The following RASEF variants were observed in gnomAD, a reference collection of about 807,000 sequenced individuals.
The protein encoded by RASEF is ras and EF-hand domain-containing protein.
A neutral mutation model predicts 90.1 loss-of-function variants in RASEF; 68 were observed. The observed-to-expected ratio is 0.75, with a 90% CI of 0.62 to 0.92. The LOEUF is 0.92. Among genes scored for constraint, RASEF ranks in the 40% least tolerant of loss-of-function variants. RASEF has a pLI of 0.00. For missense variants in RASEF, 949 were observed against 937.2 expected (o/e 1.01, Z -0.16); for synonymous variants, 331 against 345.2 (o/e 0.96, Z 0.46).
At chr9:83,024,138 T>A (rs748663092) in intron 2 of RASEF, among the ~76,000 whole-genome samples, 1 of 152,180 alleles carries the variant, frequency 6.6e-6, no homozygotes, top group Non-Finnish European at 1.5e-5. Context: ...TTTAAACACT[T>A]CCTGAGGTCT....
At chr9:83,163,302 C>T in the RASEF span, among the ~76,000 whole-genome samples, 1 of 152,182 alleles carries the variant, frequency 6.6e-6, no homozygotes, top group African/African-American at 2.4e-5. Context: ...TACAGTAGTT[C>T]CTTTTACCCA....
the RASEF span, among the ~76,000 whole-genome samples, chr9:83,205,338 T>G: frequency 6.6e-6 from 1 of 152,210 alleles, no homozygotes; most frequent in South Asian, 2.1e-4. Context: ...GCCATACATT[T>G]TTCTGTTGTC....
At position 82,982,617 on chromosome 9, in the gene RASEF, A is replaced by T; in HGVS notation, c.*60T>A. On this transcript the variant is annotated 3_prime_UTR_variant, in exon 17 of 17. Transcript: ENST00000376447. ...TGTGCCACTCTGTTAAGAGCCAAAT[A>T]AGTCACACAAATTCAGTATTCTGGA... The T allele has an allele frequency of 1.0e-6, 1 of 954,632 alleles. No homozygotes were observed. Among genetic ancestry groups the T allele is most frequent in the Non-Finnish European group, 1.7e-6 (1 of 580,178 alleles). 59.1% of individuals were successfully genotyped at this position (954,632 alleles called of 1,614,324 possible).
the RASEF span, among the ~76,000 whole-genome samples, chr9:83,169,569 TTTTG>T: frequency 2.0e-5 from 3 of 151,808 alleles, no homozygotes; most frequent in African/African-American, 7.3e-5. Context: ...TGGTTGGTTT[TTTTG>T]TTTGTTTTGT....
At chr9:83,046,904 G>A (rs1412749506) in intron 1 of RASEF, among the ~76,000 whole-genome samples, 1 of 152,114 alleles carries the variant, frequency 6.6e-6, no homozygotes, top group African/African-American at 2.4e-5. Flanking sequence ...TCGGATTTCA[G>A]AATAAATAAC....
chr9:83,048,656 G>C, intron 1 of RASEF: 1 of 985,406 alleles, frequency 1.0e-6, no homozygotes, highest in Non-Finnish European at 1.2e-6. Flanking sequence ...TCCTTGTTTA[G>C]GATTGGGAGA....
the RASEF span, among the ~76,000 whole-genome samples, chr9:83,121,734 G>A: frequency 1.3e-5 from 2 of 152,232 alleles, no homozygotes; most frequent in African/African-American, 2.4e-5. Flanking sequence ...GAGAGCTGAC[G>A]CTACAAAAAC....
At chr9:83,094,403 T>C in the RASEF span, among the ~76,000 whole-genome samples, 2 of 145,912 alleles carry the variant, frequency 1.4e-5, no homozygotes, top group Non-Finnish European at 2.9e-5. Context: ...AAATAAAATA[T>C]ATTATTAAAA....
the RASEF span, among the ~76,000 whole-genome samples, chr9:83,146,557 T>A: frequency 6.6e-6 from 1 of 152,194 alleles, no homozygotes; most frequent in Non-Finnish European, 1.5e-5. Flanking sequence ...GCCTCTGCCC[T>A]CCTAAATTGT....
the RASEF span, among the ~76,000 whole-genome samples, chr9:83,205,367 C>T: frequency 6.6e-6 from 1 of 152,208 alleles, no homozygotes; most frequent in Non-Finnish European, 1.5e-5. Context: ...TTGAATAGCA[C>T]TTCTATCACT....
the RASEF span, among the ~76,000 whole-genome samples, chr9:83,145,272 G>A: frequency 1.3e-5 from 2 of 152,126 alleles, no homozygotes. Flanking sequence ...TCTCTGGAGT[G>A]GAGTTGTACC....
At chr9:83,027,814 G>A (rs898279376) in intron 1 of RASEF, among the ~76,000 whole-genome samples, 1 of 152,102 alleles carries the variant, frequency 6.6e-6, no homozygotes, top group African/African-American at 2.4e-5. Flanking sequence ...TGCTATGGAT[G>A]GATGCTATAG....
chr9:83,077,737 T>G, the RASEF span, among the ~76,000 whole-genome samples: 4 of 152,216 alleles, frequency 2.6e-5, no homozygotes, highest in Admixed American at 2.0e-4. Context: ...TCTTAACCTC[T>G]AGCACCAGAA....
At chr9:83,179,347 T>C in the RASEF span, among the ~76,000 whole-genome samples, 1 of 152,212 alleles carries the variant, frequency 6.6e-6, no homozygotes, top group African/African-American at 2.4e-5. Context: ...TCTCAAACTT[T>C]ATCTCCCACT....
At chr9:83,202,116 C>T in the RASEF span, 1 of 110,820 alleles carries the variant, frequency 9.0e-6, no homozygotes, top group Non-Finnish European at 2.2e-5. Context: ...AATCCTACTT[C>T]CTGTCCAAAA....
chr9:83,003,429 AT>A (rs1351569780), intron 9 of RASEF, among the ~76,000 whole-genome samples: 2 of 152,196 alleles, frequency 1.3e-5, no homozygotes, highest in Non-Finnish European at 2.9e-5. Context: ...TCATGGTGAA[AT>A]TTCTGAAATA....
the RASEF span, among the ~76,000 whole-genome samples, chr9:83,068,224 AAATGGACCT>A: frequency 6.6e-6 from 1 of 152,268 alleles, no homozygotes; most frequent in Non-Finnish European, 1.5e-5. Flanking sequence ...TAATAAAAAT[AAATGGACCT>A]CAGTTCACTT....
At chr9:83,071,682 A>T in the RASEF span, among the ~76,000 whole-genome samples, 1 of 152,168 alleles carries the variant, frequency 6.6e-6, no homozygotes, top group Non-Finnish European at 1.5e-5. Context: ...CTGGGATTAC[A>T]GGTGTGAGCC....
the RASEF span, among the ~76,000 whole-genome samples, chr9:83,194,679 A>T: frequency 6.6e-6 from 1 of 152,202 alleles, no homozygotes; most frequent in African/African-American, 2.4e-5. Context: ...GGAAAGATTT[A>T]TCTCTTCTCC....
Sources: gnomAD v4.1 joint callset for allele counts (sites outside exome capture counted in the v4.1 genomes callset) on GRCh38, gnomAD v4.1.1 for gene constraint, MANE v1.5 for transcripts, NCBI Gene and HGNC (gene_info 2026-07-23, HGNC 2026-07-21) for gene names.